BSCL2: variants seen among roughly 807,000 people sequenced by gnomAD.
The protein encoded by BSCL2 is BSCL2 lipid droplet biogenesis associated, seipin, also known as seipin.
BSCL2 carries 41 observed loss-of-function variants against 57.4 expected under a neutral mutation model. The observed-to-expected ratio is 0.71, with a 90% confidence interval of 0.56 to 0.93. The LOEUF is 0.93. Ranked by LOEUF, BSCL2 falls within the 40% of genes least tolerant of loss-of-function variation. The pLI is 0.00. For missense variants in BSCL2, 539 were observed against 586.7 expected, an observed-to-expected ratio of 0.92 and a Z score of 0.84; for synonymous variants, 237 against 227.3, an observed-to-expected ratio of 1.04 and a Z score of -0.38.
rs587777606 is a variant in BSCL2, at chr11:62,691,300, G to A, written c.985C>T (p.Arg329Ter). Residue 329 changes from arginine to a stop codon, truncating the protein, a stop_gained, in exon 7 of 11, where the codon CGA becomes TGA. Coordinates refer to ENST00000360796, the MANE Select transcript of BSCL2 (RefSeq NM_001122955.4). LOFTEE classifies it high-confidence loss of function. ...TCGACCTGCAAAGAGAAGCGGTGTC[G>A]GGGCCAGATGCCCCCCCACACCCAC... ...MQWVWGGIWP[R>*]HRFSLQVNIR... The A allele has an allele frequency of 1.2e-5, 19 of 1,613,974 alleles. No individual in the cohort carries two copies. The highest frequency in any genetic ancestry group is 2.7e-5 in the African/African-American group (2 of 74,884).
At chr11:62,693,016 C>G (rs1590871350) in intron 4 of BSCL2, among the ~76,000 whole-genome samples, 1 of 152,140 alleles carries the variant, frequency 6.6e-6, no homozygotes, top group Admixed American at 6.6e-5. Flanking sequence ...AGAGCAAAGG[C>G]CCCTCCTTCC....
upstream of BSCL2, chr11:62,708,436 G>C: frequency 7.1e-7 from 1 of 1,415,004 alleles, no homozygotes; most frequent in South Asian, 1.1e-5. Flanking sequence ...TGGCCAGGCT[G>C]TGCTGTGCTG....
Position 62,691,894 on chromosome 11 carries a change from C to CA in BSCL2, c.864-474dup, listed in dbSNP as rs1024970762. ...TGAAACCCCATCTCTACCAAAAATA[C>CA]AAAAAAAATTAGCCAGGTGTGGTCG... On this transcript the variant is annotated intron_variant, in intron 6 of 10. Coordinates refer to ENST00000360796, the MANE Select transcript of BSCL2 (RefSeq NM_001122955.4). 1.1e-4 allele frequency among the ~76,000 whole-genome samples: 16 copies of CA among 151,702 alleles called. No homozygotes were observed. In the South Asian group the frequency reaches 2.1e-3, roughly 20 times the overall value.
chr11:62,690,873 C>A lies in BSCL2; in HGVS notation c.1073-6G>T. On this transcript the variant is annotated splice_region_variant and splice_polypyrimidine_tract_variant and intron_variant, in intron 8 of 10. Coordinates refer to ENST00000360796, the MANE Select transcript of BSCL2 (RefSeq NM_001122955.4). ...CTCCTCCTGGCCTTCAGGCCCTGCA[C>A]CTCCAAAGAGGGAGAGGACAGGTTA... 1 of 1,613,376 alleles carries A rather than the reference C, an allele frequency of 6.2e-7. No individual in the cohort carries two copies. Among genetic ancestry groups the A allele is most frequent in the Non-Finnish European group, 8.5e-7 (1 of 1,179,888 alleles).
Position 62,707,278 on chromosome 11 carries a change from T to TA in BSCL2, c.-84dup. ...CGTGAAGTGGCGATCCAGACGCTGATACCTGTGGCGCATCACATTTTCCTG... is the reference window on the plus strand; with the variant it reads ...CGTGAAGTGGCGATCCAGACGCTGATAACCTGTGGCGCATCACATTTTCCTG... On this transcript the variant is annotated 5_prime_UTR_variant, in exon 1 of 11. An upstream open reading frame in the 5' UTR loses its in-frame stop. Transcript: ENST00000360796. The TA allele has an allele frequency of 8.5e-7, 1 of 1,173,726 alleles. No individual in the cohort carries two copies. Among genetic ancestry groups the TA allele is most frequent in the Non-Finnish European group, 1.2e-6 (1 of 802,982 alleles). 72.7% of individuals were successfully genotyped at this position (1,173,726 alleles called of 1,614,324 possible).
chr11:62,708,562 G>A (rs917683963), upstream of BSCL2: 1 of 1,448,690 alleles, frequency 6.9e-7, no homozygotes, highest in South Asian at 1.2e-5. Context: ...GGGGATGAGG[G>A]AGAAGACAAG....
At chr11:62,708,986 A>C (rs1590889357), upstream of BSCL2, 1 of 611,164 alleles carries the variant, frequency 1.6e-6, no homozygotes, top group Non-Finnish European at 2.9e-6. Context: ...ATTTCCTACC[A>C]CCTTTGTGGC....
chr11:62,708,925 A>C (rs1451515466), upstream of BSCL2: 3 of 778,004 alleles, frequency 3.9e-6, no homozygotes, highest in Non-Finnish European at 6.6e-6. Context: ...TTGCCTGACC[A>C]TGTGAGGTTA....
Position 62,690,853 on chromosome 11 carries a change from C to G in BSCL2, c.1087G>C (p.Glu363Gln). 6.2e-7 allele frequency: 1 copy of G among 1,613,618 alleles called. No homozygotes were observed. Among genetic ancestry groups the G allele is most frequent in the Non-Finnish European group, 8.5e-7 (1 of 1,180,012 alleles). Residue 363 changes from glutamate to glutamine, a missense_variant, in exon 9 of 11, where the codon GAG (glutamate) becomes CAG (glutamine). Physicochemically the swap from Glu to Gln is conservative, Grantham distance 29. This residue lies in a region of BSCL2 where 248 missense variants were observed against 239.9 expected (regional missense o/e 1.03). Coordinates refer to ENST00000360796, the MANE Select transcript of BSCL2 (RefSeq NM_001122955.4). Reference protein sequence around the residue: ...SAHQPGPEGQEESTPQSDVTE... With the variant: ...SAHQPGPEGQQESTPQSDVTE... ...ACATCTGATTGCGGAGTTGACTCCT[C>G]CTGGCCTTCAGGCCCTGCACCTCCA...
Position 62,701,416 on chromosome 11 carries a change from G to A in BSCL2, c.486+1052C>T, listed in dbSNP as rs1475400971. On this transcript the variant is annotated intron_variant, in intron 3 of 10. Coordinates refer to ENST00000360796, the MANE Select transcript of BSCL2 (RefSeq NM_001122955.4). ...AGAACATCATAGCTTACTTAGCCTAGCCTACCTTAAACATGCTCAGAACAC... is the reference window on the plus strand; with the variant it reads ...AGAACATCATAGCTTACTTAGCCTAACCTACCTTAAACATGCTCAGAACAC... 2.0e-5 allele frequency among the ~76,000 whole-genome samples: 3 copies of A among 152,224 alleles called. No individual in the cohort carries two copies. The South Asian group carries it at 6.2e-4, about 32-fold the overall frequency.
At chr11:62,700,519 T>C (rs1945605442) in intron 3 of BSCL2, among the ~76,000 whole-genome samples, 1 of 152,070 alleles carries the variant, frequency 6.6e-6, no homozygotes, top group Non-Finnish European at 1.5e-5. Context: ...CATACGCCTG[T>C]AACCCCAGCT....
chr11:62,705,202 G>C (rs546767186), intron 2 of BSCL2, 99 bp downstream of exon 2: 2 of 1,338,476 alleles, frequency 1.5e-6, no homozygotes, highest in Admixed American at 4.0e-5. Flanking sequence ...CCTGGCTCCA[G>C]TTTTCCTTAT....
At chr11:62,706,087 G>C (rs1049594770) in intron 1 of BSCL2, 3 of 435,476 alleles carry the variant, frequency 6.9e-6, no homozygotes, top group Non-Finnish European at 9.6e-6. Flanking sequence ...GCCTCGAGCA[G>C]AGCTCGCTCA....
intron 2 of BSCL2, among the ~76,000 whole-genome samples, chr11:62,703,240 C>T (rs1322646144): frequency 6.6e-6 from 1 of 151,884 alleles, no homozygotes; most frequent in Non-Finnish European, 1.5e-5. Context: ...GAAAACGCCT[C>T]CAAAAGGATC....
intron 1 of BSCL2, chr11:62,706,220 G>T: frequency 9.3e-7 from 1 of 1,076,090 alleles, no homozygotes; most frequent in Non-Finnish European, 1.1e-6. Flanking sequence ...TGCAACCATG[G>T]AAACCAGCCC....
rs79586077 is a variant in BSCL2, at chr11:62,692,648, G to C, written c.765+15C>G. ...GGGCTATCTCCTAGTCATAAAGCTC[G>C]TTCACCTCACTCACCGAGTTCTCTC... On this transcript the variant is annotated intron_variant, in intron 5 of 10. Coordinates refer to ENST00000360796, the MANE Select transcript of BSCL2 (RefSeq NM_001122955.4). 1.2e-6 allele frequency: 2 copies of C among 1,613,736 alleles called. No homozygotes were observed. Among genetic ancestry groups the C allele is most frequent in the Admixed American group, 1.7e-5 (1 of 59,988 alleles).
upstream of BSCL2, chr11:62,709,039 C>G: frequency 1.9e-6 from 1 of 527,654 alleles, no homozygotes; most frequent in Non-Finnish European, 3.5e-6. Flanking sequence ...CTTTGCTCCA[C>G]CCACAGCAGG....
At position 62,702,575 on chromosome 11, in the gene BSCL2, C is replaced by G. The variant is rs777165971; in HGVS notation, c.405-26G>C. The G allele has an allele frequency of 1.7e-5, 27 of 1,592,524 alleles. No homozygotes were observed. In the East Asian group the frequency reaches 5.2e-4, roughly 30 times the overall value. On this transcript the variant is annotated intron_variant, in intron 2 of 10. Coordinates refer to ENST00000360796, the MANE Select transcript of BSCL2 (RefSeq NM_001122955.4). ...CTAAATGAGATTGGAGGAGGATACT[C>G]TGCTAAGTTAGTCTTACTAGTCCAT...
chr11:62,709,055 G>C (rs1162572912), upstream of BSCL2: 3 of 506,962 alleles, frequency 5.9e-6, no homozygotes, highest in South Asian at 1.9e-5. Flanking sequence ...GCAGGGCCCC[G>C]TCAGACTCTG....
Sources: allele counts gnomAD v4.1 joint callset (sites outside exome capture counted in the v4.1 genomes callset), GRCh38; gene constraint gnomAD v4.1.1; regional missense constraint gnomAD v4.1.1; transcripts MANE v1.5; gene names NCBI Gene and HGNC (gene_info 2026-07-23, HGNC 2026-07-21).